KCNT2: variants seen among roughly 807,000 people sequenced by gnomAD.
The protein encoded by KCNT2 is potassium channel subfamily T member 2.
Under a neutral mutation model 153.8 loss-of-function variants are expected in KCNT2, and 67 were observed. The observed-to-expected ratio is 0.44, with a 90% confidence interval of 0.36 to 0.53. The LOEUF (loss-of-function observed/expected upper bound fraction) is 0.53, where lower values mean the gene tolerates loss of function less well. Among genes scored for constraint, KCNT2 ranks in the 20% least tolerant of loss-of-function variants. The pLI, the probability that KCNT2 is intolerant of heterozygous loss-of-function variation, is 0.00. For synonymous variants in KCNT2, 500 were observed against 458.8 expected, an observed-to-expected ratio of 1.09 and a Z score of -1.15; for missense variants, 975 against 1,354.8, an observed-to-expected ratio of 0.72 and a Z score of 4.40.
rs1662679995 is a variant in KCNT2, at chr1:196,586,380, G to T, written c.95+21835C>A. Among the ~76,000 whole-genome samples, 2 of 152,050 alleles carry T rather than the reference G, an allele frequency of 1.3e-5. 1 individual carries two copies. The highest frequency in any genetic ancestry group is 4.1e-4 in the South Asian group (2 of 4,832). ...TTGTTTTATTTAAAAATCTCATGGG[G>T]TTTTTAAACTCTTGATTTAAAGTTT... On this transcript the variant is annotated intron_variant, in intron 1 of 27. Coordinates refer to ENST00000294725, the MANE Select transcript of KCNT2 (RefSeq NM_198503.5).
intron 12 of KCNT2, among the ~76,000 whole-genome samples, chr1:196,405,590 T>C (rs1266095575): frequency 6.6e-6 from 1 of 151,524 alleles, no homozygotes; most frequent in African/African-American, 2.4e-5. Context: ...AAATGAATTA[T>C]TTACCTCTCC....
chr1:196,606,842 A>C (rs1665377646), intron 1 of KCNT2, among the ~76,000 whole-genome samples: 1 of 152,196 alleles, frequency 6.6e-6, no homozygotes, highest in African/African-American at 2.4e-5. Flanking sequence ...AACCAGGCTA[A>C]TGCAGTTTAT....
chr1:196,386,537 G>A (rs1304637047), intron 13 of KCNT2, among the ~76,000 whole-genome samples: 1 of 151,922 alleles, frequency 6.6e-6, no homozygotes, highest in African/African-American at 2.4e-5. Flanking sequence ...TTCTACCAAA[G>A]GGCAAAAGTT....
chr1:196,253,535 G>C (rs1449445855), intron 26 of KCNT2, among the ~76,000 whole-genome samples: 1 of 151,258 alleles, frequency 6.6e-6, no homozygotes, highest in Non-Finnish European at 1.5e-5. Flanking sequence ...TTTTATACTG[G>C]TTATGGGTCA....
At chr1:196,335,151 T>G (rs1427719121) in intron 16 of KCNT2, among the ~76,000 whole-genome samples, 1 of 152,180 alleles carries the variant, frequency 6.6e-6, no homozygotes, top group Non-Finnish European at 1.5e-5. Flanking sequence ...CTTATTTCAT[T>G]TATGTACTCA....
At chr1:196,317,491 C>A (rs923342861) in intron 20 of KCNT2, among the ~76,000 whole-genome samples, 1 of 151,576 alleles carries the variant, frequency 6.6e-6, no homozygotes, top group Admixed American at 6.6e-5. Flanking sequence ...TGTGGACCAT[C>A]AAAATGACGC....
chr1:196,587,158 C>T (rs1662786505), intron 1 of KCNT2, among the ~76,000 whole-genome samples: 1 of 151,938 alleles, frequency 6.6e-6, no homozygotes. Context: ...TTTTCCAAAT[C>T]CTAAAAAATC....
chr1:196,382,082 A>ACTTTATTTATTTATTTATTT (rs1669542665), intron 13 of KCNT2, among the ~76,000 whole-genome samples: 1 of 143,188 alleles, frequency 7.0e-6, no homozygotes. Flanking sequence ...TGTTTAACCA[A>ACTTTATTTATTTATTTATTT]ATTTATTTAT....
chr1:196,527,308 A>G (rs1654367523), intron 1 of KCNT2, among the ~76,000 whole-genome samples: 2 of 152,162 alleles, frequency 1.3e-5, no homozygotes, highest in African/African-American at 4.8e-5. Context: ...AGCTATTAAT[A>G]AGCTTCAGTA....
At chr1:196,427,690 G>A (rs1018952856) in intron 10 of KCNT2, among the ~76,000 whole-genome samples, 3 of 152,114 alleles carry the variant, frequency 2.0e-5, no homozygotes, top group South Asian at 4.2e-4. Flanking sequence ...ATTTCCATTA[G>A]CAATCCTTGA....
At chr1:196,435,549 T>A (rs191140557) in intron 8 of KCNT2, among the ~76,000 whole-genome samples, 97 of 151,770 alleles carry the variant, frequency 6.4e-4, no homozygotes, top group African/African-American at 2.2e-3. Context: ...CACATTTCAT[T>A]CTGAAATGTC....
chr1:196,309,508 C>T (rs1661957063), intron 21 of KCNT2, among the ~76,000 whole-genome samples: 1 of 151,750 alleles, frequency 6.6e-6, no homozygotes, highest in African/African-American at 2.4e-5. Context: ...GATGTGCCTC[C>T]CATTTCTGTT....
chr1:196,264,594 C>A (rs1374382954), intron 25 of KCNT2, among the ~76,000 whole-genome samples: 1 of 152,006 alleles, frequency 6.6e-6, no homozygotes, highest in Non-Finnish European at 1.5e-5. Context: ...TAGGACCTCA[C>A]TCCAGCCCCA....
chr1:196,549,564 A>G (rs918758197), intron 1 of KCNT2, among the ~76,000 whole-genome samples: 2 of 151,826 alleles, frequency 1.3e-5, no homozygotes, highest in African/African-American at 4.8e-5. Context: ...TTCTAGTAAT[A>G]TACAGACAAC....
chr1:196,362,945 C>T (rs533854957), intron 14 of KCNT2, among the ~76,000 whole-genome samples: 34 of 152,078 alleles, frequency 2.2e-4, no homozygotes, highest in African/African-American at 7.5e-4. Flanking sequence ...ACAAATTTTC[C>T]CTTAATAGTT....
intron 15 of KCNT2, among the ~76,000 whole-genome samples, chr1:196,341,664 T>A (rs1665648887): frequency 1.3e-5 from 2 of 152,148 alleles, no homozygotes; most frequent in South Asian, 4.1e-4. Flanking sequence ...ATTTATTTTT[T>A]AACTTATTTC....
At chr1:196,339,520 C>CACAGAGAG (rs1005738965) in intron 16 of KCNT2, among the ~76,000 whole-genome samples, 54 of 138,014 alleles carry the variant, frequency 3.9e-4, no homozygotes, top group African/African-American at 9.4e-4. Context: ...CACACACACA[C>CACAGAGAG]AGAGAGAGAG....
chr1:196,588,407 C>A (rs574057009), intron 1 of KCNT2, among the ~76,000 whole-genome samples: 1 of 152,098 alleles, frequency 6.6e-6, no homozygotes, highest in South Asian at 2.1e-4. Context: ...TTAGCTTCTC[C>A]AAGAAGGCAA....
intron 1 of KCNT2, among the ~76,000 whole-genome samples, chr1:196,541,127 T>C (rs907934369): frequency 2.3e-5 from 1 of 43,334 alleles, no homozygotes; most frequent in Non-Finnish European, 4.6e-5. Flanking sequence ...GTTCAGTAGG[T>C]GACTGTACTG....
Sources: gnomAD v4.1 joint callset for allele counts (sites outside exome capture counted in the v4.1 genomes callset) on GRCh38, gnomAD v4.1.1 for gene constraint, MANE v1.5 for transcripts, NCBI Gene and HGNC (gene_info 2026-07-23, HGNC 2026-07-21) for gene names.